The following ARMH3 variants were observed in gnomAD, a reference collection of about 807,000 sequenced individuals.
ARMH3 encodes armadillo-like helical domain-containing protein 3.
ARMH3 carries 60 observed loss-of-function variants against 99.1 expected under a neutral mutation model. The observed-to-expected ratio is 0.61, with a 90% CI of 0.49 to 0.75. The LOEUF is 0.75. Among genes scored for constraint, ARMH3 ranks in the 30% least tolerant of loss-of-function variants. The probability of loss-of-function intolerance (pLI) is 0.00; values close to 1 mark genes in which losing one functional copy is unlikely to be tolerated. For missense variants in ARMH3, 679 were observed against 843.1 expected (o/e 0.81, Z 2.41); for synonymous variants, 285 against 292.8 (o/e 0.97, Z 0.27).
intron 23 of ARMH3, among the ~76,000 whole-genome samples, chr10:101,916,253 A>G (rs1425433673): frequency 1.3e-5 from 2 of 152,196 alleles, no homozygotes; most frequent in East Asian, 1.9e-4. Flanking sequence ...ATGGCTATCA[A>G]TGAGGTCCAA....
chr10:102,044,311 G>A (rs1041321804), intron 1 of ARMH3, among the ~76,000 whole-genome samples: 2 of 151,204 alleles, frequency 1.3e-5, no homozygotes, highest in East Asian at 2.0e-4. Flanking sequence ...TCCTGACCTC[G>A]TGATCCACCC....
intron 24 of ARMH3, among the ~76,000 whole-genome samples, chr10:101,854,340 G>A (rs1002411339): frequency 6.6e-6 from 1 of 152,202 alleles, no homozygotes; most frequent in African/African-American, 2.4e-5. Context: ...ACAATTGATG[G>A]AAACACTGTC....
chr10:102,034,596 G>A (rs1278578704), intron 2 of ARMH3, among the ~76,000 whole-genome samples: 1 of 149,768 alleles, frequency 6.7e-6, no homozygotes, highest in South Asian at 2.1e-4. Flanking sequence ...AGATCACACT[G>A]CTGCACTCCA....
At chr10:102,040,335 T>C (rs1361489142) in intron 1 of ARMH3, among the ~76,000 whole-genome samples, 1 of 152,152 alleles carries the variant, frequency 6.6e-6, no homozygotes, top group African/African-American at 2.4e-5. Flanking sequence ...ATGTTGTCAA[T>C]AGAGGAGGCA....
At chr10:101,928,138 T>C (rs963181725) in intron 23 of ARMH3, among the ~76,000 whole-genome samples, 4 of 152,196 alleles carry the variant, frequency 2.6e-5, no homozygotes, top group Non-Finnish European at 5.9e-5. Flanking sequence ...GTTTAATCAT[T>C]TGCCAAAACA....
chr10:101,936,315 A>G (rs1014788412), intron 23 of ARMH3, among the ~76,000 whole-genome samples: 18 of 152,004 alleles, frequency 1.2e-4, no homozygotes, highest in Non-Finnish European at 4.4e-5. Context: ...AACATGGTGA[A>G]ACCCCATCTC....
At position 101,857,817 on chromosome 10, in the gene ARMH3, A is replaced by T. The variant is rs180740530; in HGVS notation, c.1861-7925T>A. 3.3e-5 allele frequency among the ~76,000 whole-genome samples: 5 copies of T among 152,336 alleles called. No individual in the cohort carries two copies. The East Asian group carries it at 9.6e-4, about 29-fold the overall frequency. ...GACTGAAAGAGAAATGGAAGGTCTT[A>T]TCTTTTATTTCCTCTGAAAGGACTA... On this transcript the variant is annotated intron_variant, in intron 24 of 25. Coordinates refer to ENST00000370033, the MANE Select transcript of ARMH3 (RefSeq NM_024541.3).
intron 4 of ARMH3, 124 bp downstream of exon 4, chr10:102,032,902 A>G: frequency 9.2e-7 from 1 of 1,082,160 alleles, no homozygotes; most frequent in Non-Finnish European, 1.3e-6. Context: ...ATATTTGGTA[A>G]CTTACAGAAA....
At chr10:101,928,383 G>A (rs1843587824) in intron 23 of ARMH3, among the ~76,000 whole-genome samples, 1 of 152,210 alleles carries the variant, frequency 6.6e-6, no homozygotes, top group African/African-American at 2.4e-5. Context: ...TCAGGACAGA[G>A]GGCTGAGCTC....
intron 20 of ARMH3, among the ~76,000 whole-genome samples, chr10:101,965,813 G>C (rs1845505651): frequency 6.6e-6 from 1 of 152,136 alleles, no homozygotes; most frequent in African/African-American, 2.4e-5. Context: ...ACTCCAAATT[G>C]GCTACAACTG....
intron 24 of ARMH3, among the ~76,000 whole-genome samples, chr10:101,882,517 T>G (rs1420652829): frequency 6.6e-6 from 1 of 152,178 alleles, no homozygotes; most frequent in Admixed American, 6.5e-5. Context: ...CACCCAACAC[T>G]GAGATGGAGT....
At chr10:102,040,626 C>G (rs577067537) in intron 1 of ARMH3, among the ~76,000 whole-genome samples, 1 of 152,190 alleles carries the variant, frequency 6.6e-6, no homozygotes, top group South Asian at 2.1e-4. Flanking sequence ...CATTACTTGG[C>G]CAACAGCACA....
Position 102,006,607 on chromosome 10 carries a change from C to T in ARMH3, c.981G>A (p.Thr327=), listed in dbSNP as rs2066494957. 6.8e-6 allele frequency: 11 copies of T among 1,613,820 alleles called. No homozygotes were observed. Among genetic ancestry groups the T allele is most frequent in the Non-Finnish European group, 9.3e-6 (11 of 1,179,884 alleles). ...TTGTAGGAGCAGGACTGACAGGGGTCGTCACCAAGCCCATTTCTGGATGGC... is the reference window on the plus strand; with the variant it reads ...TTGTAGGAGCAGGACTGACAGGGGTTGTCACCAAGCCCATTTCTGGATGGC... The part of the protein sequence containing the change: ...AQSHPEMGLV[T]TPVSPAPTTP... Residue 327 remains threonine, a synonymous_variant, in exon 14 of 26, where the codon ACG becomes ACA. Transcript: ENST00000370033.
At position 102,033,122 on chromosome 10, in the gene ARMH3, C is replaced by T. The variant is rs1226305191; in HGVS notation, c.210G>A (p.Glu70=). 1.2e-6 allele frequency: 2 copies of T among 1,614,094 alleles called. No individual in the cohort carries two copies. Among genetic ancestry groups the T allele is most frequent in the Admixed American group, 3.3e-5 (2 of 60,006 alleles). ...EGKLESLDGE[E]LMKIKDNINC... is the part of the protein sequence containing the mutation. The stretch of plus-strand genomic sequence containing the variant: ...TAATATTGTCCTTGATCTTCATTAA[C>T]TCCTCACCATCAAGAGATTCCAGCT... Residue 70 remains glutamate, a synonymous_variant, in exon 4 of 26, where the codon GAG becomes GAA. Coordinates refer to ENST00000370033, the MANE Select transcript of ARMH3 (RefSeq NM_024541.3).
chr10:101,962,962 CT>C (rs1439300051), intron 20 of ARMH3, among the ~76,000 whole-genome samples: 38 of 143,612 alleles, frequency 2.6e-4, no homozygotes, highest in African/African-American at 8.5e-4. Context: ...GAGTACATGT[CT>C]TTTTTTCTTT....
At chr10:101,850,469 G>A (rs546361654) in intron 24 of ARMH3, among the ~76,000 whole-genome samples, 1 of 150,366 alleles carries the variant, frequency 6.7e-6, no homozygotes, top group South Asian at 2.1e-4. Context: ...CTGTCGCCCA[G>A]GCTGGAGTGC....
At chr10:101,975,449 G>A in intron 19 of ARMH3, 149 bp from the exon 20 acceptor site, 1 of 502,022 alleles carries the variant, frequency 2.0e-6, no homozygotes. Context: ...CAAAACTTCT[G>A]GCCGGGCATG....
intron 25 of ARMH3, 40 bp from the exon 26 acceptor site, chr10:101,847,660 A>C (rs1407873491): frequency 6.3e-7 from 1 of 1,580,830 alleles, no homozygotes. Context: ...GGGCGCAGCC[A>C]GAGAGAAAAC....
At chr10:101,891,171 A>G (rs2067681419) in intron 23 of ARMH3, among the ~76,000 whole-genome samples, 1 of 149,628 alleles carries the variant, frequency 6.7e-6, no homozygotes, top group South Asian at 2.1e-4. Context: ...ATTGCTCCTG[A>G]CGCTGACTGG....
Sources: allele counts gnomAD v4.1 joint callset (sites outside exome capture counted in the v4.1 genomes callset), GRCh38; gene constraint gnomAD v4.1.1; transcripts MANE v1.5; gene names NCBI Gene and HGNC (gene_info 2026-07-23, HGNC 2026-07-21).